FANK1: variants seen among roughly 807,000 people sequenced by gnomAD.
FANK1 encodes the protein fibronectin type III and ankyrin repeat domains 1.
In FANK1, 44 loss-of-function variants were observed where a neutral mutation model predicts 45.3. The observed-to-expected ratio is 0.97, with a 90% confidence interval of 0.76 to 1.25. FANK1 has a LOEUF of 1.25. Among genes scored for constraint, FANK1 ranks in the 50% most tolerant of loss-of-function variants. The pLI, the probability that FANK1 is intolerant of heterozygous loss-of-function variation, is 0.00. For synonymous variants in FANK1, 149 were observed against 152.5 expected, an observed-to-expected ratio of 0.98 and a Z score of 0.17; for missense variants, 391 against 424.4, an observed-to-expected ratio of 0.92 and a Z score of 0.69.
intron 1 of FANK1, among the ~76,000 whole-genome samples, chr10:125,918,574 AAAAAAAAAAAAATATAT>A (rs1207095337): frequency 7.9e-6 from 1 of 126,474 alleles, no homozygotes; most frequent in African/African-American, 3.2e-5. Context: ...AAAAAAAAAA[AAAAAAAAAAAAATATAT>A]ATATATATAT....
At chr10:125,966,037 A>G (rs1233962783) in intron 1 of FANK1, among the ~76,000 whole-genome samples, 2 of 152,138 alleles carry the variant, frequency 1.3e-5, no homozygotes, top group Non-Finnish European at 2.9e-5. Context: ...ACTTTTCCTG[A>G]TGAGGAATAT....
At chr10:126,000,083 T>TA (rs532687173) in intron 6 of FANK1, among the ~76,000 whole-genome samples, 5 of 151,832 alleles carry the variant, frequency 3.3e-5, no homozygotes, top group East Asian at 1.9e-4. Context: ...AAATCTGAAT[T>TA]AAAAAAAACC....
chr10:125,946,092 T>C (rs574752376), intron 1 of FANK1, among the ~76,000 whole-genome samples: 9 of 151,990 alleles, frequency 5.9e-5, no homozygotes, highest in South Asian at 4.2e-4. Flanking sequence ...GACATCCACA[T>C]CGAAAACCCA....
At chr10:125,936,432 CAA>C (rs11405392) in intron 1 of FANK1, among the ~76,000 whole-genome samples, 39,561 of 115,212 alleles carry the variant, frequency 0.34, 5,922 homozygotes, top group East Asian at 0.45. Context: ...GATGCTGTCT[CAA>C]AAAAAAAAAA....
At chr10:125,938,921 T>C (rs1948274266) in intron 1 of FANK1, among the ~76,000 whole-genome samples, 1 of 152,120 alleles carries the variant, frequency 6.6e-6, no homozygotes, top group African/African-American at 2.4e-5. Context: ...AAAAGAATAA[T>C]GTTAATACCT....
intron 1 of FANK1, among the ~76,000 whole-genome samples, chr10:125,934,344 A>G (rs1244047134): frequency 6.6e-6 from 1 of 152,184 alleles, no homozygotes; most frequent in Non-Finnish European, 1.5e-5. Context: ...GTACATGAAT[A>G]TATCCCTAAA....
At chr10:125,982,468 C>T (rs946962991) in intron 2 of FANK1, among the ~76,000 whole-genome samples, 5 of 152,228 alleles carry the variant, frequency 3.3e-5, no homozygotes, top group Non-Finnish European at 7.3e-5. Flanking sequence ...GAAATGCCTG[C>T]GTTTCTCACA....
chr10:125,960,233 G>T, intron 1 of FANK1: 1 of 294,296 alleles, frequency 3.4e-6, no homozygotes, highest in Non-Finnish European at 6.8e-6. Context: ...CTCCAGGAGG[G>T]GGGTTACTTC....
chr10:125,923,048 A>G (rs1329142252), intron 1 of FANK1, among the ~76,000 whole-genome samples: 1 of 151,882 alleles, frequency 6.6e-6, no homozygotes, highest in Non-Finnish European at 1.5e-5. Flanking sequence ...TTTTTGGTGA[A>G]GGCACTTGGG....
chr10:125,966,093 C>G (rs1033779941), intron 1 of FANK1, among the ~76,000 whole-genome samples: 8 of 152,104 alleles, frequency 5.3e-5, no homozygotes, highest in Admixed American at 5.2e-4. Flanking sequence ...CATTACTACT[C>G]TAGGGAGTTT....
chr10:125,993,621 C>T (rs1240768503), intron 3 of FANK1, among the ~76,000 whole-genome samples: 8 of 152,178 alleles, frequency 5.3e-5, no homozygotes, highest in African/African-American at 1.9e-4. Flanking sequence ...GGGTATAAAA[C>T]CCTGCCTCCT....
chr10:125,934,731 T>G (rs1039765920), intron 1 of FANK1, among the ~76,000 whole-genome samples: 18 of 23,258 alleles, frequency 7.7e-4, no homozygotes, highest in Non-Finnish European at 1.2e-3. Context: ...ACCGTTTTTT[T>G]TTTTTTTTTT....
At chr10:125,960,839 A>G (rs1949878507) in intron 1 of FANK1, among the ~76,000 whole-genome samples, 2 of 152,178 alleles carry the variant, frequency 1.3e-5, no homozygotes, top group Non-Finnish European at 2.9e-5. Flanking sequence ...CCTGGCCTCA[A>G]TGCAGTCTTT....
intron 1 of FANK1, among the ~76,000 whole-genome samples, chr10:125,957,674 G>A (rs1434106610): frequency 6.6e-6 from 1 of 151,740 alleles, no homozygotes; most frequent in African/African-American, 2.4e-5. Flanking sequence ...ACAGGCACCC[G>A]GCACCACACC....
chr10:125,996,668 T>C, intron 5 of FANK1, 44 bp downstream of exon 5: 1 of 1,578,170 alleles, frequency 6.3e-7, no homozygotes, highest in Non-Finnish European at 8.7e-7. Flanking sequence ...GGATTTAACT[T>C]TTTATTTTAT....
intron 1 of FANK1, among the ~76,000 whole-genome samples, chr10:125,959,124 TG>T (rs1949759472): frequency 6.6e-6 from 1 of 152,114 alleles, no homozygotes; most frequent in Admixed American, 6.6e-5. Flanking sequence ...AGGCCGAGCA[TG>T]GTGGCTCATG....
intron 1 of FANK1, among the ~76,000 whole-genome samples, chr10:125,939,937 T>TTA (rs1564892801): frequency 2.2e-4 from 32 of 145,516 alleles, no homozygotes; most frequent in South Asian, 1.7e-3. Flanking sequence ...TATTATTATT[T>TTA]TTTTTTTTTT....
intron 5 of FANK1, among the ~76,000 whole-genome samples, chr10:125,997,089 C>T (rs1952388679): frequency 6.6e-6 from 1 of 152,124 alleles, no homozygotes; most frequent in African/African-American, 2.4e-5. Context: ...AACAGAAATG[C>T]ATCTTCATTA....
At chr10:125,982,222 G>C (rs1951266475) in intron 2 of FANK1, among the ~76,000 whole-genome samples, 1 of 152,236 alleles carries the variant, frequency 6.6e-6, no homozygotes, top group African/African-American at 2.4e-5. Context: ...GGGCCATCCT[G>C]CATCGTTCTT....
Sources: allele counts gnomAD v4.1 joint callset (sites outside exome capture counted in the v4.1 genomes callset), GRCh38; gene constraint gnomAD v4.1.1; transcripts MANE v1.5; gene names NCBI Gene and HGNC (gene_info 2026-07-23, HGNC 2026-07-21).